The following RIF1 variants were observed in gnomAD, a reference collection of about 807,000 sequenced individuals.
RIF1 encodes telomere-associated protein RIF1.
RIF1 carries 45 observed loss-of-function variants against 247.1 expected under a neutral mutation model. That is an observed-to-expected ratio of 0.18 (90% CI 0.14 to 0.23). RIF1 has a LOEUF of 0.23. Among genes scored for constraint, RIF1 ranks in the 10% least tolerant of loss-of-function variants. The pLI, the probability that RIF1 is intolerant of heterozygous loss-of-function variation, is 1.00. For missense variants in RIF1, 2,967 were observed against 2,862.5 expected, an observed-to-expected ratio of 1.04 and a Z score of -0.83; for synonymous variants, 1,087 against 978.8, an observed-to-expected ratio of 1.11 and a Z score of -2.06.
chr2:151,415,439 A>G (rs989151194), intron 4 of RIF1, among the ~76,000 whole-genome samples: 7 of 151,442 alleles, frequency 4.6e-5, no homozygotes, highest in African/African-American at 1.7e-4. Flanking sequence ...GGTATTTGAC[A>G]AAAGATTAGC....
intron 8 of RIF1, chr2:151,423,653 C>T (rs1688532855): frequency 1.3e-5 from 2 of 152,200 alleles, no homozygotes; most frequent in Admixed American, 1.3e-4. Context: ...CCTGTATTTC[C>T]CATGGGAGTG....
the RIF1 span, chr2:151,527,577 ATAGTCCAGCTGTTTTTAACAG>A: frequency 6.2e-7 from 1 of 1,611,268 alleles, no homozygotes; most frequent in Non-Finnish European, 8.5e-7. Context: ...ACTGTTTCTT[ATAGTCCAGCTGTTTTTAACAG>A]GAGAGAAAGG....
At chr2:151,496,512 G>C in intron 10 of RIF1, 1 of 1,440,138 alleles carries the variant, frequency 6.9e-7, no homozygotes, top group Non-Finnish European at 9.3e-7. Flanking sequence ...AATGCCACCA[G>C]CTACTTTAGT....
rs760341852 is a variant in RIF1 at position 151,463,502 on chromosome 2, C to T, written c.3982C>T (p.Pro1328Ser). The T allele has an allele frequency of 1.9e-5, 30 of 1,613,970 alleles. No homozygotes were observed. In the South Asian group the frequency reaches 2.6e-4, roughly 14 times the overall value. The change falls in exon 30 of 36, where the codon CCA (proline) becomes TCA (serine). Residue 1328 changes from proline (P) to serine (S), a missense_variant. Physicochemically the swap from Pro to Ser is moderately conservative, Grantham distance 74. Transcript: ENST00000444746. ...AGGCATTGTAGTCTTAGAAAATAAC[C>T]CACCTGGTTTGCTTAATCAAACAGA... ...VEGIVVLENNPPGLLNQTECV... is the reference protein window; with the variant it reads ...VEGIVVLENNSPGLLNQTECV...
intron 8 of RIF1, among the ~76,000 whole-genome samples, chr2:151,425,078 C>T (rs924338519): frequency 2.6e-5 from 4 of 151,868 alleles, no homozygotes; most frequent in African/African-American, 7.3e-5. Context: ...TTTTTATTTT[C>T]CTTTTTTTGA....
At chr2:151,451,559 C>G in intron 20 of RIF1, 47 bp from the exon 21 acceptor site, 1 of 902,810 alleles carries the variant, frequency 1.1e-6, no homozygotes, top group Non-Finnish European at 1.9e-6. Context: ...TTGTTGAATA[C>G]TGTCCCAGTA....
chr2:151,517,950 C>T, the RIF1 span, among the ~76,000 whole-genome samples: 1 of 152,080 alleles, frequency 6.6e-6, no homozygotes, highest in Admixed American at 6.6e-5. Context: ...AGTAGTAGAC[C>T]TGATCGTATC....
chr2:151,464,365 A>G lies in RIF1; in HGVS notation c.4845A>G (p.Lys1615=), dbSNP rs138548248. The change falls in exon 30 of 36, where the codon AAA becomes AAG. Residue 1615 remains lysine, a synonymous_variant. Transcript: ENST00000444746. ...KATSEEDVSI[K]SPICEKQDES... ...CTTCTGAAGAAGATGTAAGCATAAA[A>G]TCTCCGATTTGCGAAAAACAAGATG... The G allele has an allele frequency of 8.4e-5, 136 of 1,610,576 alleles. No individual in the cohort carries two copies. In the African/African-American group the frequency reaches 1.1e-3, roughly 13 times the overall value.
chr2:151,531,877 T>C, the RIF1 span: 18 of 1,592,802 alleles, frequency 1.1e-5, no homozygotes, highest in Non-Finnish European at 1.5e-5. Flanking sequence ...TGATTTTTCA[T>C]AGTTTTTCCT....
In RIF1 at chr2:151,503,279, T is replaced by C. The variant is rs1447242799; in HGVS notation, c.*861+94T>C. On this transcript the variant is annotated intron_variant and NMD_transcript_variant, in intron 12 of 13. Transcript: ENST00000454583. ...ATTGCTGTTAAGATGTTACTTTCTT[T>C]AAAAAAGATGGGTTATTGTGGTAAA... 2.5e-6 allele frequency: 3 copies of C among 1,184,232 alleles called. No homozygotes were observed. The East Asian group carries it at 7.1e-5, about 28-fold the overall frequency. 73.4% of individuals were successfully genotyped at this position (1,184,232 alleles called of 1,614,324 possible).
chr2:151,485,180 A>G (rs1485014237), downstream of RIF1, among the ~76,000 whole-genome samples: 5 of 152,242 alleles, frequency 3.3e-5, no homozygotes, highest in Non-Finnish European at 7.3e-5. Flanking sequence ...GAATGCAAGT[A>G]TAGATAGAAT....
At chr2:151,411,825 A>C (rs1686291078) in intron 3 of RIF1, among the ~76,000 whole-genome samples, 1 of 152,150 alleles carries the variant, frequency 6.6e-6, no homozygotes, top group African/African-American at 2.4e-5. Context: ...TTTCTTAATT[A>C]CCTTACACGC....
chr2:151,513,506 G>A, the RIF1 span: 1 of 1,070,242 alleles, frequency 9.3e-7, no homozygotes, highest in South Asian at 1.5e-5. Flanking sequence ...TAAATCAGAT[G>A]ACAGAGGGAC....
chr2:151,443,451 T>G lies in RIF1; in HGVS notation c.1806-78T>G, dbSNP rs980901572. The G allele has an allele frequency of 2.8e-6, 4 of 1,409,130 alleles. No homozygotes were observed. In the Admixed American group the frequency reaches 7.2e-5, roughly 25 times the overall value. The allele number at this position is 1,409,130 out of a possible 1,614,324, so 87.3% of individuals were successfully genotyped here. A position where few individuals can be genotyped will look rare whatever the true frequency, so the allele number is the denominator to read the frequency against. ...AAAAATTCGTTAACTTTTTGTCAGT[T>G]ATTTTAGAATTTTGTTAACATTAAA... On this transcript the variant is annotated intron_variant, in intron 17 of 35. Transcript: ENST00000444746.
chr2:151,519,697 G>A, the RIF1 span: 1 of 1,612,886 alleles, frequency 6.2e-7, no homozygotes, highest in South Asian at 1.1e-5. Flanking sequence ...TGACTTTGTA[G>A]AGCTGGCTGT....
the RIF1 span, chr2:151,524,253 T>C: frequency 7.1e-7 from 1 of 1,412,428 alleles, no homozygotes; most frequent in Non-Finnish European, 1.0e-6. Context: ...CACTTCTTCC[T>C]GCAAGGTCTT....
At chr2:151,530,721 G>T in the RIF1 span, 1 of 324,496 alleles carries the variant, frequency 3.1e-6, no homozygotes, top group Admixed American at 4.6e-5. Flanking sequence ...CTCCCAGCCC[G>T]CAGCCATCAC....
chr2:151,410,083 C>G (rs1304564877), intron 1 of RIF1, 50 bp downstream of exon 1: 2 of 700,688 alleles, frequency 2.9e-6, no homozygotes, highest in South Asian at 3.0e-5. Context: ...AACCCTCAGT[C>G]TGCCCACCCT....
chr2:151,508,155 T>TA, downstream of RIF1: 1 of 1,328,524 alleles, frequency 7.5e-7, no homozygotes, highest in Non-Finnish European at 1.1e-6. Context: ...ACCACAGGGA[T>TA]ATAGGCCAAT....
Sources: allele counts gnomAD v4.1 joint callset (sites outside exome capture counted in the v4.1 genomes callset), GRCh38; gene constraint gnomAD v4.1.1; transcripts MANE v1.5; gene names NCBI Gene and HGNC (gene_info 2026-07-23, HGNC 2026-07-21).